SHROOM3: variants seen among roughly 807,000 people sequenced by gnomAD.
SHROOM3 encodes protein Shroom3.
In SHROOM3, 47 loss-of-function variants were observed where a neutral mutation model predicts 138.6. The observed-to-expected ratio is 0.34, with a 90% CI of 0.27 to 0.43. The LOEUF (loss-of-function observed/expected upper bound fraction) is 0.43, where lower values mean the gene tolerates loss of function less well. SHROOM3 is among the 20% of genes least tolerant of loss of function. The pLI, the probability that SHROOM3 is intolerant of heterozygous loss-of-function variation, is 1.00. For synonymous variants in SHROOM3, 1,062 were observed against 1,063.3 expected, an observed-to-expected ratio of 1.00 and a Z score of 0.02; for missense variants, 2,491 against 2,596.5, an observed-to-expected ratio of 0.96 and a Z score of 0.88.
At chr4:76,610,993 A>C (rs1734749278) in intron 2 of SHROOM3, among the ~76,000 whole-genome samples, 1 of 152,138 alleles carries the variant, frequency 6.6e-6, no homozygotes, top group Admixed American at 6.5e-5. Flanking sequence ...TCCACTGTGG[A>C]TAGGGATGGG....
intron 2 of SHROOM3, among the ~76,000 whole-genome samples, chr4:76,700,616 C>T (rs567897153): frequency 2.6e-5 from 4 of 152,072 alleles, no homozygotes; most frequent in Non-Finnish European, 4.4e-5. Flanking sequence ...AGGGAAGGAT[C>T]GTGTCTGTTT....
At chr4:76,484,704 GT>G (rs11315455) in intron 1 of SHROOM3, among the ~76,000 whole-genome samples, 11,974 of 152,262 alleles carry the variant, frequency 0.079, 566 homozygotes, top group South Asian at 0.18. Context: ...TTGCAAAACT[GT>G]GGATGTTTTG....
At chr4:76,610,647 T>C (rs1734741390) in intron 2 of SHROOM3, among the ~76,000 whole-genome samples, 1 of 152,256 alleles carries the variant, frequency 6.6e-6, no homozygotes, top group Non-Finnish European at 1.5e-5. Context: ...TTTCCACTAA[T>C]GTACACCTTT....
intron 2 of SHROOM3, among the ~76,000 whole-genome samples, chr4:76,642,798 C>G (rs1735708078): frequency 6.6e-6 from 1 of 151,750 alleles, no homozygotes; most frequent in East Asian, 1.9e-4. Flanking sequence ...AAATGCTGAT[C>G]TGGGTGGGGG....
Position 76,739,463 on chromosome 4 carries a change from G to C in SHROOM3, c.1290G>C (p.Glu430Asp), listed in dbSNP as rs1345339583. ...CCCTGAAGTCTCCATTCATAGAGGAGCAGCTGCATACTGTGCTGGAGAAGA... is the reference window on the plus strand; with the variant it reads ...CCCTGAAGTCTCCATTCATAGAGGACCAGCTGCATACTGTGCTGGAGAAGA... ...LGSLKSPFIE[E>D]QLHTVLEKSP... The change falls in exon 5 of 11, where the codon GAG becomes GAC. Residue 430 changes from glutamate (E) to aspartate (D), a missense_variant. Physicochemically the swap from Glu to Asp is conservative, Grantham distance 45. This residue lies in a region of SHROOM3 where 1,733 missense variants were observed against 1,661.6 expected (regional missense o/e 1.04). Transcript: ENST00000296043. 6.2e-7 allele frequency: 1 copy of C among 1,614,072 alleles called. No homozygotes were observed. The highest frequency in any genetic ancestry group is 8.5e-7 in the Non-Finnish European group (1 of 1,180,046).
intron 2 of SHROOM3, among the ~76,000 whole-genome samples, chr4:76,604,878 G>C (rs1269014007): frequency 1.3e-5 from 2 of 152,136 alleles, no homozygotes; most frequent in African/African-American, 4.8e-5. Context: ...TAAGGCTAAG[G>C]AGTTACTTAT....
chr4:76,606,377 G>T (rs1430462932), intron 2 of SHROOM3, among the ~76,000 whole-genome samples: 1 of 151,762 alleles, frequency 6.6e-6, no homozygotes, highest in Non-Finnish European at 1.5e-5. Context: ...CCAGTGTGGT[G>T]CATGTTAGCT....
chr4:76,663,495 C>A (rs1486380642), intron 2 of SHROOM3, among the ~76,000 whole-genome samples: 2 of 152,052 alleles, frequency 1.3e-5, no homozygotes, highest in Non-Finnish European at 2.9e-5. Context: ...TGCTATACAC[C>A]AGAGGTAATA....
At chr4:76,588,557 G>A (rs1319374917) in intron 2 of SHROOM3, among the ~76,000 whole-genome samples, 1 of 152,104 alleles carries the variant, frequency 6.6e-6, no homozygotes, top group Non-Finnish European at 1.5e-5. Context: ...ATGGAAGGTT[G>A]CAAACATCAG....
At chr4:76,719,705 A>ACACT (rs35360553) in intron 3 of SHROOM3, among the ~76,000 whole-genome samples, 61,713 of 151,660 alleles carry the variant, frequency 0.41, 13,544 homozygotes, top group African/African-American at 0.56. Context: ...TGAATGAAAA[A>ACACT]CACCCCTGTT....
intron 2 of SHROOM3, among the ~76,000 whole-genome samples, chr4:76,615,552 T>C (rs1434339993): frequency 6.6e-6 from 1 of 152,210 alleles, no homozygotes; most frequent in East Asian, 1.9e-4. Flanking sequence ...ATGACTGTTT[T>C]TTAGCTAAGA....
At chr4:76,608,594 GC>G (rs1483376953) in intron 2 of SHROOM3, among the ~76,000 whole-genome samples, 1 of 150,490 alleles carries the variant, frequency 6.6e-6, no homozygotes, top group African/African-American at 2.5e-5. Flanking sequence ...GCATAGCATA[GC>G]ATAGCATAGC....
intron 1 of SHROOM3, among the ~76,000 whole-genome samples, chr4:76,457,985 A>G (rs1357397012): frequency 6.6e-6 from 1 of 151,160 alleles, no homozygotes; most frequent in Non-Finnish European, 1.5e-5. Flanking sequence ...TAGTAGAGAC[A>G]GGGTTTCATG....
intron 1 of SHROOM3, among the ~76,000 whole-genome samples, chr4:76,460,524 G>A (rs1166505025): frequency 6.6e-6 from 1 of 152,122 alleles, no homozygotes; most frequent in African/African-American, 2.4e-5. Flanking sequence ...TTAAACAACA[G>A]AATATTTTTT....
intron 2 of SHROOM3, among the ~76,000 whole-genome samples, chr4:76,676,987 T>A (rs552909505): frequency 9.3e-5 from 14 of 150,724 alleles, no homozygotes; most frequent in Non-Finnish European, 1.6e-4. Flanking sequence ...AAAAGAAAAT[T>A]TCTGACCGTT....
chr4:76,550,945 G>C lies in SHROOM3; in HGVS notation c.169-4664G>C, dbSNP rs1733340577. 2.0e-5 allele frequency among the ~76,000 whole-genome samples: 3 copies of C among 150,958 alleles called. No individual in the cohort carries two copies. The South Asian group carries it at 6.3e-4, about 32-fold the overall frequency. ...GTCCAGGAGTTTGAGGCTACAGTGA[G>C]TTGAGATCACACCACTGCACTCCAG... is the stretch of plus-strand genomic sequence containing the variant. On this transcript the variant is annotated intron_variant, in intron 1 of 10. Coordinates refer to ENST00000296043, the MANE Select transcript of SHROOM3 (RefSeq NM_020859.4).
chr4:76,756,724 G>C lies in SHROOM3; in HGVS notation c.4985G>C (p.Ser1662Thr). 1.2e-6 allele frequency: 2 copies of C among 1,614,136 alleles called. No homozygotes were observed. Among genetic ancestry groups the C allele is most frequent in the Non-Finnish European group, 1.7e-6 (2 of 1,180,028 alleles). ...EKKVSPDPQK[S>T]SEDIRTEALA... ...AAAGTCAGTCCTGATCCTCAGAAGA[G>C]TTCAGAAGACATCAGAACAGAGGCT... The change falls in exon 8 of 11, where the codon AGT (serine) becomes ACT (threonine). Residue 1662 changes from serine (S) to threonine (T), a missense_variant. Ser to Thr is a moderately conservative substitution (Grantham distance 58, BLOSUM62 1). Around this residue, in one of 4 missense-constraint regions of SHROOM3, gnomAD observed 470 missense variants for 595.0 expected, o/e 0.79. Coordinates refer to ENST00000296043, the MANE Select transcript of SHROOM3 (RefSeq NM_020859.4).
chr4:76,503,167 C>CCACAGACACACACACA, intron 1 of SHROOM3, among the ~76,000 whole-genome samples: 1 of 145,934 alleles, frequency 6.9e-6, no homozygotes, highest in Non-Finnish European at 1.5e-5. Flanking sequence ...TTGTCAACTT[C>CCACAGACACACACACA]CACACACACA....
chr4:76,695,133 G>T (rs1719687462), intron 2 of SHROOM3, among the ~76,000 whole-genome samples: 1 of 152,152 alleles, frequency 6.6e-6, no homozygotes, highest in African/African-American at 2.4e-5. Context: ...TTCTTAAATG[G>T]TTAATGGGTC....
Sources: allele counts gnomAD v4.1 joint callset (sites outside exome capture counted in the v4.1 genomes callset), GRCh38; gene constraint gnomAD v4.1.1; regional missense constraint gnomAD v4.1.1; transcripts MANE v1.5; gene names NCBI Gene and HGNC (gene_info 2026-07-23, HGNC 2026-07-21).